Variants in LRP4 observed in about 807,000 individuals in gnomAD.
LRP4 encodes LDL receptor related protein 4, also known as low-density lipoprotein receptor-related protein 4.
Under a neutral mutation model 220.3 loss-of-function variants are expected in LRP4, and 95 were observed. The observed-to-expected ratio is 0.43, with a 90% CI of 0.37 to 0.51. LRP4 has a LOEUF of 0.51. Ranked by LOEUF, LRP4 falls within the 20% of genes least tolerant of loss-of-function variation. The pLI is 0.00. For missense variants in LRP4, 1,925 were observed against 2,567.0 expected (o/e 0.75, Z 5.40); for synonymous variants, 903 against 954.6 (o/e 0.95, Z 1.00).
rs772602277 is a variant in LRP4 at position 46,875,465 on chromosome 11, G to A, written c.3916C>T (p.Gln1306Ter). The stretch of plus-strand genomic sequence containing the variant: ...GCCCTCTGACTCTCACCTAGTGGCT[G>A]TGCCCGGTCCACAGCCTGCATGTCC... Reference protein sequence around the residue: ...LMDMQAVDRAQPLGFNKCGSR... With the variant: ...LMDMQAVDRA Residue 1306 changes from glutamine (Q) to a stop codon, truncating the protein, a stop_gained, in exon 27 of 38, where the codon CAG (glutamine) becomes TAG (stop). Transcript: ENST00000378623. LOFTEE classifies it high-confidence loss of function. The surrounding 1 kb of genome is among the most constrained non-coding windows in gnomAD (Gnocchi z 4.5). 1.2e-6 allele frequency: 2 copies of A among 1,613,990 alleles called. No individual in the cohort carries two copies. Among genetic ancestry groups the A allele is most frequent in the Non-Finnish European group, 1.7e-6 (2 of 1,179,966 alleles).
chr11:46,893,362 A>C (rs576794315), intron 12 of LRP4, among the ~76,000 whole-genome samples: 2 of 152,284 alleles, frequency 1.3e-5, no homozygotes, highest in South Asian at 4.1e-4. Flanking sequence ...AAGGGCATGC[A>C]CTTCCTCCTC....
intron 2 of LRP4, among the ~76,000 whole-genome samples, chr11:46,902,317 C>A (rs1180524336): frequency 1.4e-5 from 2 of 147,832 alleles, no homozygotes; most frequent in African/African-American, 5.0e-5. Context: ...CTAGACTGTG[C>A]CCCTGCACTC....
In LRP4 at chr11:46,902,841, G is replaced by T; in HGVS notation, c.141C>A (p.Ala47=). The T allele has an allele frequency of 1.2e-6, 2 of 1,614,090 alleles. No homozygotes were observed. Among genetic ancestry groups the T allele is most frequent in the Non-Finnish European group, 1.7e-6 (2 of 1,180,036 alleles). The part of the protein sequence containing the change: ...SALGECTCIP[A]QWQCDGDNDC... ...CATTGTCTCCATCACACTGCCACTG[G>T]GCAGGGATGCAGGTACACTCTCCAA... The change falls in exon 2 of 38, where the codon GCC becomes GCA. Residue 47 remains alanine (A), a synonymous_variant. Transcript: ENST00000378623.
Position 46,918,483 on chromosome 11 carries a change from G to C in LRP4, c.-104C>G, listed in dbSNP as rs1419921080. ...CGAGGGGGAAGCGTCCCGGGTGCAC[G>C]GCGGCCTGCGCGCCCCGCAAGTCGC... On this transcript the variant is annotated 5_prime_UTR_variant, in exon 1 of 38. Transcript: ENST00000378623. This position sits in a 1 kb window ranked among gnomAD's most constrained non-coding sequence, Gnocchi z 6.0. The C allele has an allele frequency of 2.5e-6, 2 of 803,864 alleles. No individual in the cohort carries two copies. The highest frequency in any genetic ancestry group is 3.2e-6 in the Non-Finnish European group (2 of 620,514). 49.8% of individuals were successfully genotyped at this position (803,864 alleles called of 1,614,324 possible).
At chr11:46,898,249 C>T (rs532408855) in intron 7 of LRP4, among the ~76,000 whole-genome samples, 33 of 152,334 alleles carry the variant, frequency 2.2e-4, no homozygotes, top group Middle Eastern at 3.4e-3. Context: ...ACAGGGACGC[C>T]GTCTCGGGTC....
rs1368908778 is a variant in LRP4, at chr11:46,879,271, G to C, written c.2859C>G (p.Leu953=). ...CAGTCCAATAGATGCGCTCTCCATA[G>C]AGGGTCAGCCCAAATGGGTGGGGGA... is the stretch of plus-strand genomic sequence containing the variant. ...SQLPHPFGLT[L]YGERIYWTDW... is the part of the protein sequence containing the mutation. The change falls in exon 21 of 38, where the codon CTC becomes CTG. Residue 953 remains leucine (L), a synonymous_variant. Coordinates refer to ENST00000378623, the MANE Select transcript of LRP4 (RefSeq NM_002334.4). 2 of 1,614,230 alleles carry C rather than the reference G, an allele frequency of 1.2e-6. No homozygotes were observed. Among genetic ancestry groups the C allele is most frequent in the Non-Finnish European group, 8.5e-7 (1 of 1,180,054 alleles).
In LRP4 at chr11:46,881,882, C is replaced by G; in HGVS notation, c.2634G>C (p.Trp878Cys). ...PMGGYMYWTD[W>C]GASPKIERAG... ...CTCGTTCAATCTTGGGGCTCGCACC[C>G]CAGTCAGTCCAATACATGTACCTGG... Residue 878 changes from tryptophan to cysteine, a missense_variant, in exon 20 of 38, where the codon TGG becomes TGC. Physicochemically the swap from Trp to Cys is radical, Grantham distance 215. Coordinates refer to ENST00000378623, the MANE Select transcript of LRP4 (RefSeq NM_002334.4). The G allele has an allele frequency of 6.2e-7, 1 of 1,614,204 alleles. No homozygotes were observed. Among genetic ancestry groups the G allele is most frequent in the East Asian group, 2.2e-5 (1 of 44,888 alleles).
At chr11:46,881,616 GC>G in intron 20 of LRP4, 85 bp downstream of exon 20, 1 of 1,330,662 alleles carries the variant, frequency 7.5e-7, no homozygotes. Context: ...TCAGCTGCCA[GC>G]CAAAAAGTAC....
intron 1 of LRP4, among the ~76,000 whole-genome samples, chr11:46,905,549 A>G (rs895255201): frequency 1.3e-5 from 2 of 152,134 alleles, no homozygotes; most frequent in African/African-American, 2.4e-5. Context: ...GGATGCTGCT[A>G]AAGACTCTAT....
chr11:46,890,483 C>T lies in LRP4; in HGVS notation c.1709G>A (p.Trp570Ter), dbSNP rs1418548616. 6.2e-7 allele frequency: 1 copy of T among 1,613,096 alleles called. No individual in the cohort carries two copies. The highest frequency in any genetic ancestry group is 8.5e-7 in the Non-Finnish European group (1 of 1,179,250). The change falls in exon 14 of 38, where the codon TGG becomes TAG. Residue 570 changes from tryptophan (W) to a stop codon, truncating the protein, a stop_gained. Transcript: ENST00000378623. LOFTEE classifies it high-confidence loss of function. This position sits in a 1 kb window ranked among gnomAD's most constrained non-coding sequence, Gnocchi z 5.3. ...ALHPMEGTIY[W>*]TDWGNTPRIE... ...ACGGGGGGTGTTGCCCCAGTCTGTC[C>T]AGTAAATGGTACTAGGAAGAGAAAA...
rs747068883 is a variant in LRP4, at chr11:46,895,184, G to A, written c.1291C>T (p.Arg431Cys). ...ETGYELRPDRRSCKALGPEPV... is the reference protein window; with the variant it reads ...ETGYELRPDRCSCKALGPEPV... The stretch of plus-strand genomic sequence containing the variant: ...CCCTTACCCAGAGCCTTGCAGCTGC[G>A]CCGGTCGGGCCGTAGTTCATAGCCT... Residue 431 changes from arginine to cysteine, a missense_variant, in exon 11 of 38, where the codon CGC (arginine) becomes TGC (cysteine). This residue lies in a region of LRP4 where 269 missense variants were observed against 436.7 expected (regional missense o/e 0.62). Transcript: ENST00000378623. 7 of 1,613,830 alleles carry A rather than the reference G, an allele frequency of 4.3e-6. No individual in the cohort carries two copies. Among genetic ancestry groups the A allele is most frequent in the Admixed American group, 1.7e-5 (1 of 59,994 alleles).
chr11:46,862,928 T>C, intron 36 of LRP4, 181 bp from the exon 37 acceptor site: 1 of 634,538 alleles, frequency 1.6e-6, no homozygotes, highest in South Asian at 1.8e-5. Context: ...GACTTACTTC[T>C]AATGAAAAGA....
Position 46,918,449 on chromosome 11 carries a change from G to A in LRP4, c.-70C>T. ...GGACGGCGCGGCGGAGAAGCCCGCG[G>A]AGGGTCCCCGAGGGGGAAGCGTCCC... On this transcript the variant is annotated 5_prime_UTR_variant, in exon 1 of 38. Transcript: ENST00000378623. The surrounding 1 kb of genome is among the most constrained non-coding windows in gnomAD (Gnocchi z 6.0). 1 of 1,146,732 alleles carries A rather than the reference G, an allele frequency of 8.7e-7. No individual in the cohort carries two copies. Among genetic ancestry groups the A allele is most frequent in the East Asian group, 3.6e-5 (1 of 27,680 alleles). 71.0% of individuals were successfully genotyped at this position (1,146,732 alleles called of 1,614,324 possible). A position where few individuals can be genotyped will look rare whatever the true frequency, so the allele number is the denominator to read the frequency against.
intron 8 of LRP4, 28 bp downstream of exon 8, chr11:46,896,841 G>T: frequency 6.2e-7 from 1 of 1,613,930 alleles, no homozygotes; most frequent in East Asian, 2.2e-5. Flanking sequence ...ATAGGCTAAG[G>T]GTTCTGGGGC....
chr11:46,872,283 C>T (rs1940888131), intron 30 of LRP4, among the ~76,000 whole-genome samples: 1 of 151,696 alleles, frequency 6.6e-6, no homozygotes, highest in Non-Finnish European at 1.5e-5. Context: ...AGGAAGTGAG[C>T]CCAGTCTACA....
intron 30 of LRP4, among the ~76,000 whole-genome samples, chr11:46,871,995 C>T (rs145336862): frequency 1.1e-3 from 173 of 152,194 alleles, no homozygotes; most frequent in African/African-American, 3.8e-3. Flanking sequence ...TGGTGGCTCA[C>T]GCTTGTAATC....
Position 46,899,641 on chromosome 11 carries a change from T to C in LRP4, c.431-138A>G. On this transcript the variant is annotated intron_variant, in intron 4 of 37. Coordinates refer to ENST00000378623, the MANE Select transcript of LRP4 (RefSeq NM_002334.4). The surrounding 1 kb of genome is among the most constrained non-coding windows in gnomAD (Gnocchi z 5.9). The stretch of plus-strand genomic sequence containing the variant: ...AAGGCACCCCAGAGTCAGTGCAGAC[T>C]CTCCAGGGAGAACGGAGGCCCTGGA... 9 of 770,722 alleles carry C rather than the reference T, an allele frequency of 1.2e-5. No individual in the cohort carries two copies. Among genetic ancestry groups the C allele is most frequent in the South Asian group, 1.1e-4 (8 of 69,678 alleles). 47.7% of individuals were successfully genotyped at this position (770,722 alleles called of 1,614,324 possible). A position where few individuals can be genotyped will look rare whatever the true frequency, so the allele number is the denominator to read the frequency against.
At chr11:46,909,410 T>G (rs1941815873) in intron 1 of LRP4, among the ~76,000 whole-genome samples, 1 of 115,980 alleles carries the variant, frequency 8.6e-6, no homozygotes. Flanking sequence ...ATCGAGACCA[T>G]CCTGGCTAAC....
chr11:46,903,322 T>G (rs1941703511), intron 1 of LRP4, among the ~76,000 whole-genome samples: 1 of 152,060 alleles, frequency 6.6e-6, no homozygotes, highest in East Asian at 1.9e-4. Flanking sequence ...AGTGAGACCT[T>G]GTTTCTACAA....
Sources: allele counts gnomAD v4.1 joint callset (sites outside exome capture counted in the v4.1 genomes callset), GRCh38; gene constraint gnomAD v4.1.1; regional missense constraint gnomAD v4.1.1; non-coding constraint Gnocchi (gnomAD v3.1); transcripts MANE v1.5; gene names NCBI Gene and HGNC (gene_info 2026-07-23, HGNC 2026-07-21).